COL7A1: variants seen among roughly 807,000 people sequenced by gnomAD.
COL7A1 encodes the protein collagen alpha-1(VII) chain.
A neutral mutation model predicts 456.2 loss-of-function variants in COL7A1; 296 were observed. The observed-to-expected ratio is 0.65, with a 90% CI of 0.59 to 0.71. The LOEUF is 0.71. Ranked by LOEUF, COL7A1 falls within the 30% of genes least tolerant of loss-of-function variation. COL7A1 has a pLI of 0.00. For missense variants in COL7A1, 3,441 were observed against 4,017.2 expected, an observed-to-expected ratio of 0.86 and a Z score of 3.88; for synonymous variants, 1,464 against 1,525.9, an observed-to-expected ratio of 0.96 and a Z score of 0.95.
rs1389986421 is a variant in COL7A1 at position 48,570,781 on chromosome 3, C to G, written c.7273-71G>C. 2.6e-6 allele frequency: 4 copies of G among 1,558,544 alleles called. No homozygotes were observed. Among genetic ancestry groups the G allele is most frequent in the Non-Finnish European group, 3.5e-6 (4 of 1,151,380 alleles). ...CCTCCTACCCTCTGCCCCCTCAAGA[C>G]TGGGAACCCCCAAGGCAGGGCCCCC... On this transcript the variant is annotated intron_variant, in intron 95 of 118. Coordinates refer to ENST00000681320, the MANE Select transcript of COL7A1 (RefSeq NM_000094.4). This position sits in a 1 kb window ranked among gnomAD's most constrained non-coding sequence, Gnocchi z 5.5.
Position 48,583,945 on chromosome 3 carries a change from A to G in COL7A1, c.4233T>C (p.Pro1411=), listed in dbSNP as rs1324845676. The change falls in exon 39 of 119, where the codon CCT becomes CCC. Residue 1411 remains proline, a synonymous_variant. Transcript: ENST00000681320. This position sits in a 1 kb window ranked among gnomAD's most constrained non-coding sequence, Gnocchi z 5.1. ...GAGCAATGCCACCTTCACCTGGTCCAGGGGGACCCTGGGAGAGAACAGCAG... is the reference window on the plus strand; with the variant it reads ...GAGCAATGCCACCTTCACCTGGTCCGGGGGGACCCTGGGAGAGAACAGCAG... ...DKGDRGERGP[P]GPGEGGIAPG... 6.2e-7 allele frequency: 1 copy of G among 1,614,010 alleles called. No homozygotes were observed. The highest frequency in any genetic ancestry group is 8.5e-7 in the Non-Finnish European group (1 of 1,179,992).
Position 48,567,747 on chromosome 3 carries a change from G to A in COL7A1, c.7946C>T (p.Pro2649Leu), listed in dbSNP as rs1560196406. ...EKGDKGEAGP[P>L]GRPGLAGHKG... ...GTGTCCTGCCAGCCCGGGGCGGCCT[G>A]GGGGACCAGCTTCTCCCTGCAGGCA... Residue 2649 changes from proline (P) to leucine (L), a missense_variant, in exon 108 of 119, where the codon CCA becomes CTA. By Grantham distance (98) the Pro-to-Leu change is moderately conservative. This residue lies in a region of COL7A1 where 2,084 missense variants were observed against 2,501.3 expected (regional missense o/e 0.83). Transcript: ENST00000681320. This position sits in a 1 kb window ranked among gnomAD's most constrained non-coding sequence, Gnocchi z 4.3. 7 of 1,614,146 alleles carry A rather than the reference G, an allele frequency of 4.3e-6. No individual in the cohort carries two copies. The highest frequency in any genetic ancestry group is 2.2e-5 in the South Asian group (2 of 91,090).
In COL7A1 at chr3:48,585,710, G is replaced by A. The variant is rs1300465810; in HGVS notation, c.3811C>T (p.Pro1271Ser). The A allele has an allele frequency of 6.2e-7, 1 of 1,614,016 alleles. No individual in the cohort carries two copies. Among genetic ancestry groups the A allele is most frequent in the Non-Finnish European group, 8.5e-7 (1 of 1,179,992 alleles). ...CTCACCGGGAGGCCAGGGTCGCCAG[G>A]AGGCCCAACTTGTCCTCTCAGGCCC... ...EMGLRGQVGP[P>S]GDPGLPGRTG... The change falls in exon 31 of 119, where the codon CCT becomes TCT. Residue 1271 changes from proline to serine, a missense_variant. Pro to Ser is a moderately conservative substitution (Grantham distance 74). Coordinates refer to ENST00000681320, the MANE Select transcript of COL7A1 (RefSeq NM_000094.4). This position sits in a 1 kb window ranked among gnomAD's most constrained non-coding sequence, Gnocchi z 4.5.
rs936832983 is a variant in COL7A1, at chr3:48,572,686, C to T, written c.6885G>A (p.Thr2295=). The change falls in exon 88 of 119, where the codon ACG becomes ACA. Residue 2295 remains threonine, a synonymous_variant. Coordinates refer to ENST00000681320, the MANE Select transcript of COL7A1 (RefSeq NM_000094.4). The surrounding 1 kb of genome is among the most constrained non-coding windows in gnomAD (Gnocchi z 4.6). ...PVGPKGEPGP[T]GAPGQAVVGL... ...CAAAGATCACCTGTCCAGGGGCCCC[C>T]GTGGGGCCAGGTTCTCCTTTAGGTC... The T allele has an allele frequency of 5.6e-6, 9 of 1,605,788 alleles. No homozygotes were observed. The highest frequency in any genetic ancestry group is 1.7e-5 in the Admixed American group (1 of 58,832).
At position 48,569,656 on chromosome 3, in the gene COL7A1, G is replaced by A. The variant is rs1052633696; in HGVS notation, c.7558-8C>T. ...GATCACAGCTGAGTCTCCCTGAGGG[G>A]GCAGGCAGGAATCAGAGGAGTCGGG... On this transcript the variant is annotated splice_region_variant and splice_polypyrimidine_tract_variant and intron_variant, in intron 101 of 118. Transcript: ENST00000681320. The surrounding 1 kb of genome is among the most constrained non-coding windows in gnomAD (Gnocchi z 4.9). 4 of 1,613,802 alleles carry A rather than the reference G, an allele frequency of 2.5e-6. No homozygotes were observed. The African/African-American group carries it at 4.0e-5, about 16-fold the overall frequency.
In COL7A1 at chr3:48,569,507, T is replaced by C. The variant is rs2043777362; in HGVS notation, c.7615-61A>G. Reference sequence around the variant, plus strand: ...CTGAAGGTCCCTCACCCTCTGGGAGTTTGAGCTCTCAGATGCCCTGGGCCA... The same window carrying C: ...CTGAAGGTCCCTCACCCTCTGGGAGCTTGAGCTCTCAGATGCCCTGGGCCA... On this transcript the variant is annotated intron_variant, in intron 102 of 118. Transcript: ENST00000681320. This position sits in a 1 kb window ranked among gnomAD's most constrained non-coding sequence, Gnocchi z 4.9. 1 of 1,612,724 alleles carries C rather than the reference T, an allele frequency of 6.2e-7. No homozygotes were observed. The highest frequency in any genetic ancestry group is 1.3e-5 in the African/African-American group (1 of 74,972).
chr3:48,570,706 A>G lies in COL7A1; in HGVS notation c.7277T>C (p.Leu2426Pro). The change falls in exon 96 of 119, where the codon CTG (leucine) becomes CCG (proline). Residue 2426 changes from leucine to proline, a missense_variant. Leu to Pro is a moderately conservative substitution (Grantham distance 98). Transcript: ENST00000681320. This position sits in a 1 kb window ranked among gnomAD's most constrained non-coding sequence, Gnocchi z 5.5. ...GQPGPSGERGLAGPPGREGIP... is the reference protein window; with the variant it reads ...GQPGPSGERGPAGPPGREGIP... ...TCCTTCTCTCCCTGGGGGGCCTGCCAGACCCTACCAGAAAAATGGGGCAAG... is the reference window on the plus strand; with the variant it reads ...TCCTTCTCTCCCTGGGGGGCCTGCCGGACCCTACCAGAAAAATGGGGCAAG... 6.3e-7 allele frequency: 1 copy of G among 1,576,106 alleles called. No individual in the cohort carries two copies.
chr3:48,593,141 C>G lies in COL7A1; in HGVS notation c.643G>C (p.Val215Leu). ...GGCACGCCACCAGCAGTCGTGCACACTCTCCGGGAAACGAGGGGCAGTAGT... is the reference window on the plus strand; with the variant it reads ...GGCACGCCACCAGCAGTCGTGCACAGTCTCCGGGAAACGAGGGGCAGTAGT... ...RTLLPLVSRRVCTTAGGVPVT... is the reference protein window; with the variant it reads ...RTLLPLVSRRLCTTAGGVPVT... Residue 215 changes from valine to leucine, a missense_variant, in exon 6 of 119, where the codon GTG (valine) becomes CTG (leucine). Val to Leu is a conservative substitution (Grantham distance 32). Transcript: ENST00000681320. The surrounding 1 kb of genome is among the most constrained non-coding windows in gnomAD (Gnocchi z 4.4). 1 of 1,614,138 alleles carries G rather than the reference C, an allele frequency of 6.2e-7. No individual in the cohort carries two copies. Among genetic ancestry groups the G allele is most frequent in the Non-Finnish European group, 8.5e-7 (1 of 1,180,026 alleles).
chr3:48,586,774 G>A lies in COL7A1; in HGVS notation c.3277-85C>T. 6.6e-7 allele frequency: 1 copy of A among 1,526,076 alleles called. No homozygotes were observed. Among genetic ancestry groups the A allele is most frequent in the Non-Finnish European group, 8.9e-7 (1 of 1,127,108 alleles). 94.5% of individuals were successfully genotyped at this position (1,526,076 alleles called of 1,614,324 possible). On this transcript the variant is annotated intron_variant, in intron 25 of 118. Coordinates refer to ENST00000681320, the MANE Select transcript of COL7A1 (RefSeq NM_000094.4). This position sits in a 1 kb window ranked among gnomAD's most constrained non-coding sequence, Gnocchi z 5.1. ...AGAGCCTGGAGAAACACATCAGGGT[G>A]TGTGTGACCAAACCCTATCTATTAG...
rs1460007505 is a variant in COL7A1 at position 48,574,324 on chromosome 3, A to G, written c.6457-18T>C. On this transcript the variant is annotated intron_variant, in intron 79 of 118. Coordinates refer to ENST00000681320, the MANE Select transcript of COL7A1 (RefSeq NM_000094.4). This position sits in a 1 kb window ranked among gnomAD's most constrained non-coding sequence, Gnocchi z 5.0. ...GGTAGACCCTGCAGAGAATAGGTTTAAGGCCTTAGTTTCCCAGTTCCAACT... is the reference window on the plus strand; with the variant it reads ...GGTAGACCCTGCAGAGAATAGGTTTGAGGCCTTAGTTTCCCAGTTCCAACT... The G allele has an allele frequency of 5.6e-6, 9 of 1,613,988 alleles. No homozygotes were observed. Among genetic ancestry groups the G allele is most frequent in the Admixed American group, 3.3e-5 (2 of 60,002 alleles).
At position 48,590,604 on chromosome 3, in the gene COL7A1, G is replaced by C. The variant is rs376966171; in HGVS notation, c.1781-20C>G. 15 of 1,613,958 alleles carry C rather than the reference G, an allele frequency of 9.3e-6. No individual in the cohort carries two copies. The African/African-American group carries it at 1.2e-4, about 13-fold the overall frequency. ...CCGGCTCTAGGAGTTACAGACAGAA[G>C]TCAGAAGTCAGAACCAGGACCAGAG... On this transcript the variant is annotated intron_variant, in intron 14 of 118. Coordinates refer to ENST00000681320, the MANE Select transcript of COL7A1 (RefSeq NM_000094.4). The surrounding 1 kb of genome is among the most constrained non-coding windows in gnomAD (Gnocchi z 4.6).
In COL7A1 at chr3:48,579,530, G is replaced by A. The variant is rs373837863; in HGVS notation, c.5236-15C>T. On this transcript the variant is annotated splice_polypyrimidine_tract_variant and intron_variant, in intron 59 of 118. Transcript: ENST00000681320. This position sits in a 1 kb window ranked among gnomAD's most constrained non-coding sequence, Gnocchi z 4.4. ...CCTTCAATGCCCTGAGGATAGGGGA[G>A]GAAGAAATCAGAGCAGGCCCTCCCA... 6.2e-7 allele frequency: 1 copy of A among 1,613,820 alleles called. No homozygotes were observed. Among genetic ancestry groups the A allele is most frequent in the African/African-American group, 1.3e-5 (1 of 74,892 alleles).
Position 48,588,292 on chromosome 3 carries a change from C to T in COL7A1, c.2700G>A (p.Trp900Ter). 1 of 1,613,028 alleles carries T rather than the reference C, an allele frequency of 6.2e-7. No homozygotes were observed. The highest frequency in any genetic ancestry group is 8.5e-7 in the Non-Finnish European group (1 of 1,179,992). Residue 900 changes from tryptophan (W) to a stop codon, truncating the protein, a stop_gained, in exon 21 of 119, where the codon TGG (tryptophan) becomes TGA (stop). Coordinates refer to ENST00000681320, the MANE Select transcript of COL7A1 (RefSeq NM_000094.4). LOFTEE classifies it high-confidence loss of function. This position sits in a 1 kb window ranked among gnomAD's most constrained non-coding sequence, Gnocchi z 4.6. ...VPRAQGFLLHWQPEGGQEQSR... is the reference protein window; with the variant it reads ...VPRAQGFLLH ...GGGGACACCTCTCACCCTCAGGTTG[C>T]CAGTGCAGAAGGAAGCCCTGCGCTC...
rs1220687897 is a variant in COL7A1 at position 48,583,108 on chromosome 3, C to A, written c.4482+19G>T. ...CCCAGATCCTCCAGGGCCCTTGGCA[C>A]CCCCCAGGTTGCACTTACCTTCTCT... On this transcript the variant is annotated intron_variant, in intron 43 of 118. Transcript: ENST00000681320. The surrounding 1 kb of genome is among the most constrained non-coding windows in gnomAD (Gnocchi z 5.1). The A allele has an allele frequency of 3.7e-6, 6 of 1,613,770 alleles. No homozygotes were observed. The highest frequency in any genetic ancestry group is 1.3e-5 in the African/African-American group (1 of 74,840).
chr3:48,577,446 G>C (rs908504076), intron 65 of COL7A1, among the ~76,000 whole-genome samples: 3 of 152,230 alleles, frequency 2.0e-5, no homozygotes, highest in African/African-American at 7.2e-5. Flanking sequence ...CAAAGAGCAT[G>C]GGCTTATACA....
Position 48,579,629 on chromosome 3 carries a change from G to A in COL7A1, c.5194C>T (p.Pro1732Ser). The A allele has an allele frequency of 6.2e-7, 1 of 1,613,738 alleles. No individual in the cohort carries two copies. Among genetic ancestry groups the A allele is most frequent in the Non-Finnish European group, 8.5e-7 (1 of 1,180,010 alleles). The change falls in exon 59 of 119, where the codon CCC (proline) becomes TCC (serine). Residue 1732 changes from proline (P) to serine (S), a missense_variant. This residue lies in a region of COL7A1 where 2,084 missense variants were observed against 2,501.3 expected (regional missense o/e 0.83). Coordinates refer to ENST00000681320, the MANE Select transcript of COL7A1 (RefSeq NM_000094.4). The surrounding 1 kb of genome is among the most constrained non-coding windows in gnomAD (Gnocchi z 4.4). ...GDRGQEGPRG[P>S]KGDPGLPGAP... ...CCAGGGAGGCCAGGATCACCCTTGG[G>A]CCCTCGAGGACCCTCTTGTCCGCGG...
Position 48,572,970 on chromosome 3 carries a change from G to A in COL7A1, c.6751-28C>T, listed in dbSNP as rs896869011. On this transcript the variant is annotated intron_variant, in intron 86 of 118. Transcript: ENST00000681320. This position sits in a 1 kb window ranked among gnomAD's most constrained non-coding sequence, Gnocchi z 4.6. Reference sequence around the variant, plus strand: ...GAGAGGGAAGAGCTCTGTCAGGGCTGCCTGTCGACCCTTGACCCCTGGAGC... The same window carrying A: ...GAGAGGGAAGAGCTCTGTCAGGGCTACCTGTCGACCCTTGACCCCTGGAGC... 3 of 1,613,886 alleles carry A rather than the reference G, an allele frequency of 1.9e-6. No homozygotes were observed. Among genetic ancestry groups the A allele is most frequent in the Non-Finnish European group, 2.5e-6 (3 of 1,179,998 alleles).
In COL7A1 at chr3:48,568,232, C is replaced by T; in HGVS notation, c.7795-62G>A. The T allele has an allele frequency of 2.5e-6, 4 of 1,570,720 alleles. No individual in the cohort carries two copies. The highest frequency in any genetic ancestry group is 3.5e-6 in the Non-Finnish European group (4 of 1,148,394). On this transcript the variant is annotated intron_variant, in intron 105 of 118. Coordinates refer to ENST00000681320, the MANE Select transcript of COL7A1 (RefSeq NM_000094.4). This position sits in a 1 kb window ranked among gnomAD's most constrained non-coding sequence, Gnocchi z 5.2. ...TCAGTGAGGGACCAAAGAGAATCGCCCTGGATAGTGGGTAGGGAACACCAT... is the reference window on the plus strand; with the variant it reads ...TCAGTGAGGGACCAAAGAGAATCGCTCTGGATAGTGGGTAGGGAACACCAT...
Position 48,585,470 on chromosome 3 carries a change from A to G in COL7A1, c.3894+87T>C. ...GCTTCTAGGAATTCCCGATGATTCT[A>G]ACTCTGCTTCTTCCTTCTCTCTTGT... On this transcript the variant is annotated intron_variant, in intron 32 of 118. Transcript: ENST00000681320. This position sits in a 1 kb window ranked among gnomAD's most constrained non-coding sequence, Gnocchi z 4.5. 6.9e-7 allele frequency: 1 copy of G among 1,439,200 alleles called. No homozygotes were observed. The highest frequency in any genetic ancestry group is 9.8e-7 in the Non-Finnish European group (1 of 1,024,926). 89.2% of individuals were successfully genotyped at this position (1,439,200 alleles called of 1,614,324 possible).
Sources: allele counts gnomAD v4.1 joint callset (sites outside exome capture counted in the v4.1 genomes callset), GRCh38; gene constraint gnomAD v4.1.1; regional missense constraint gnomAD v4.1.1; non-coding constraint Gnocchi (gnomAD v3.1); transcripts MANE v1.5; gene names NCBI Gene and HGNC (gene_info 2026-07-23, HGNC 2026-07-21).